FGGY: variants seen among roughly 807,000 people sequenced by gnomAD.
FGGY encodes FGGY carbohydrate kinase domain-containing protein.
In FGGY, 72 loss-of-function variants were observed where a neutral mutation model predicts 71.3. The ratio of observed to expected loss-of-function variants is 1.01; its 90% CI spans 0.84 to 1.23. FGGY has a LOEUF of 1.23. Among genes scored for constraint, FGGY ranks in the 50% most tolerant of loss-of-function variants. FGGY has a pLI of 0.00. For missense variants in FGGY, 668 were observed against 682.3 expected, an observed-to-expected ratio of 0.98 and a Z score of 0.23; for synonymous variants, 251 against 250.3, an observed-to-expected ratio of 1.00 and a Z score of -0.02.
At chr1:59,449,206 G>A (rs2072049203) in intron 5 of FGGY, among the ~76,000 whole-genome samples, 1 of 152,058 alleles carries the variant, frequency 6.6e-6, no homozygotes, top group African/African-American at 2.4e-5. Flanking sequence ...GTTTATTCCT[G>A]GTAACATTTC....
At chr1:59,714,428 A>G (rs1220076145) in intron 14 of FGGY, among the ~76,000 whole-genome samples, 1 of 152,208 alleles carries the variant, frequency 6.6e-6, no homozygotes, top group Non-Finnish European at 1.5e-5. Flanking sequence ...GGGAGCATCA[A>G]GTTGAAGGCC....
At chr1:59,613,566 C>T (rs1367284987) in intron 9 of FGGY, among the ~76,000 whole-genome samples, 5 of 151,866 alleles carry the variant, frequency 3.3e-5, no homozygotes, top group Non-Finnish European at 4.4e-5. Context: ...AAATTGACAC[C>T]CTAACATCAC....
At chr1:59,351,249 A>G (rs2053227954) in intron 4 of FGGY, among the ~76,000 whole-genome samples, 1 of 152,236 alleles carries the variant, frequency 6.6e-6, no homozygotes, top group Non-Finnish European at 1.5e-5. Context: ...TATATGTACC[A>G]TCTGGACCAA....
rs558767824 is a variant in FGGY, at chr1:59,439,914, T to C, written c.555-17047T>C. ...TTGATTTTAGATGTACTGAGAAATA[T>C]GTCTCACACCATTAAAACTAGTCGA... On this transcript the variant is annotated intron_variant, in intron 5 of 15. Coordinates refer to ENST00000303721, the MANE Select transcript of FGGY (RefSeq NM_018291.5). 3.3e-5 allele frequency among the ~76,000 whole-genome samples: 5 copies of C among 152,276 alleles called. No homozygotes were observed. In the South Asian group the frequency reaches 8.3e-4, roughly 25 times the overall value.
chr1:59,756,796 ATCAG>A (rs2098295364), intron 14 of FGGY, among the ~76,000 whole-genome samples: 1 of 152,188 alleles, frequency 6.6e-6, no homozygotes, highest in Admixed American at 6.5e-5. Context: ...TGGCATGCAA[ATCAG>A]TCAATCAGTC....
intron 1 of FGGY, among the ~76,000 whole-genome samples, chr1:59,302,847 A>G (rs2042972229): frequency 6.6e-6 from 1 of 152,168 alleles, no homozygotes; most frequent in African/African-American, 2.4e-5. Flanking sequence ...ATTCCAAAAA[A>G]AACCCCAAAA....
chr1:59,375,685 G>A (rs1357701447), intron 4 of FGGY, among the ~76,000 whole-genome samples: 5 of 152,084 alleles, frequency 3.3e-5, no homozygotes, highest in East Asian at 3.9e-4. Context: ...GTGACGGTTA[G>A]TGTGGTCTCA....
At chr1:59,654,274 A>G (rs186896401) in intron 11 of FGGY, among the ~76,000 whole-genome samples, 4 of 152,084 alleles carry the variant, frequency 2.6e-5, no homozygotes, top group Non-Finnish European at 4.4e-5. Context: ...TTGTCCTCCA[A>G]TGTCCCTTTT....
At chr1:59,470,871 A>T (rs1053671605) in intron 6 of FGGY, among the ~76,000 whole-genome samples, 4 of 152,240 alleles carry the variant, frequency 2.6e-5, no homozygotes, top group African/African-American at 9.6e-5. Context: ...TGAGCCATAT[A>T]ATTCAGTTAT....
At chr1:59,415,183 T>C (rs891206839) in intron 5 of FGGY, among the ~76,000 whole-genome samples, 2 of 152,184 alleles carry the variant, frequency 1.3e-5, no homozygotes, top group African/African-American at 4.8e-5. Flanking sequence ...TCAAAAAGCT[T>C]TGGGAAGATC....
At chr1:59,558,521 G>C (rs1011625909) in intron 8 of FGGY, among the ~76,000 whole-genome samples, 1 of 152,172 alleles carries the variant, frequency 6.6e-6, no homozygotes, top group Non-Finnish European at 1.5e-5. Flanking sequence ...AGAACAGGGA[G>C]TAGGTCACAA....
At chr1:59,399,805 TC>T (rs1464567934) in intron 5 of FGGY, among the ~76,000 whole-genome samples, 1 of 152,234 alleles carries the variant, frequency 6.6e-6, no homozygotes, top group Non-Finnish European at 1.5e-5. Context: ...ACACTTGTGA[TC>T]TGACACAGTA....
At chr1:59,514,612 ATGT>A (rs1570504933) in intron 7 of FGGY, among the ~76,000 whole-genome samples, 2 of 152,138 alleles carry the variant, frequency 1.3e-5, no homozygotes, top group East Asian at 3.9e-4. Context: ...GAATTCCCAC[ATGT>A]TGTGGGAGGG....
intron 11 of FGGY, among the ~76,000 whole-genome samples, chr1:59,648,817 C>A (rs1481932819): frequency 6.6e-6 from 1 of 152,118 alleles, no homozygotes; most frequent in Non-Finnish European, 1.5e-5. Flanking sequence ...GACATGAAGT[C>A]CTTGCCCATG....
At position 59,324,266 on chromosome 1, in the gene FGGY, CTTTTTTTTTTTTTT is replaced by C. The variant is rs71046329; in HGVS notation, c.201+2531_201+2544del. Among the ~76,000 whole-genome samples the C allele has an allele frequency of 1.2e-4, 9 of 78,132 alleles. No individual in the cohort carries two copies. In the South Asian group the frequency reaches 1.5e-3, roughly 13 times the overall value. The allele number at this position is 78,132 out of a possible 152,430, so 51.3% of individuals were successfully genotyped here. On this transcript the variant is annotated intron_variant, in intron 2 of 15. Coordinates refer to ENST00000303721, the MANE Select transcript of FGGY (RefSeq NM_018291.5). ...CTTCATTTTATCCTTATAATAACTA[CTTTTTTTTTTTTTT>C]TTTTTTTTTTTTTTGAGACGGAGTC...
chr1:59,460,680 G>C (rs1290994370), intron 6 of FGGY, among the ~76,000 whole-genome samples: 1 of 152,170 alleles, frequency 6.6e-6, no homozygotes, highest in Non-Finnish European at 1.5e-5. Context: ...ATACAGCTGG[G>C]TGCCCCTCTG....
chr1:59,493,178 TGTGCA>T (rs1453566727), intron 6 of FGGY, among the ~76,000 whole-genome samples: 2 of 150,960 alleles, frequency 1.3e-5, no homozygotes, highest in African/African-American at 4.9e-5. Context: ...TTGGAAACCT[TGTGCA>T]GTGTTGGTGG....
chr1:59,301,706 CTTTTTTTTTTTT>C lies in FGGY; in HGVS notation c.-15+4569_-15+4580del, dbSNP rs34290988. On this transcript the variant is annotated intron_variant, in intron 1 of 15. Transcript: ENST00000303721. Reference sequence around the variant, plus strand: ...TTTTCCTATAACTGTTGTGATCATTCTTTTTTTTTTTTTTTTTTTTTTTTGAGATGGAGTTTC... The same window carrying C: ...TTTTCCTATAACTGTTGTGATCATTCTTTTTTTTTTTTGAGATGGAGTTTC... Among the ~76,000 whole-genome samples, 4 of 55,006 alleles carry C rather than the reference CTTTTTTTTTTTT, an allele frequency of 7.3e-5. No individual in the cohort carries two copies. The South Asian group carries it at 3.1e-3, about 43-fold the overall frequency. 36.1% of individuals were successfully genotyped at this position (55,006 alleles called of 152,430 possible).
chr1:59,419,654 G>A (rs1244772467), intron 5 of FGGY, among the ~76,000 whole-genome samples: 1 of 152,116 alleles, frequency 6.6e-6, no homozygotes, highest in Admixed American at 6.6e-5. Flanking sequence ...TATTCTCCGT[G>A]GCTCAGTTCT....
Sources: gnomAD v4.1 joint callset for allele counts (sites outside exome capture counted in the v4.1 genomes callset) on GRCh38, gnomAD v4.1.1 for gene constraint, MANE v1.5 for transcripts, NCBI Gene and HGNC (gene_info 2026-07-23, HGNC 2026-07-21) for gene names.